ELAVL2: variants seen among roughly 807,000 people sequenced by gnomAD.
The protein encoded by ELAVL2 is ELAV like RNA binding protein 2.
A neutral mutation model predicts 34.6 loss-of-function variants in ELAVL2; 4 were observed. That is an observed-to-expected ratio of 0.12 (90% CI 0.06 to 0.26). The LOEUF (loss-of-function observed/expected upper bound fraction) is 0.26. Ranked by LOEUF, ELAVL2 falls within the 10% of genes least tolerant of loss-of-function variation. The probability of loss-of-function intolerance (pLI) is 1.00; values close to 1 mark genes in which losing one functional copy is unlikely to be tolerated. For missense variants in ELAVL2, 432 were observed against 442.8 expected (o/e 0.98, Z 0.22); for synonymous variants, 193 against 154.8 (o/e 1.25, Z -1.83).
At chr9:23,835,938 A>T in the ELAVL2 span, among the ~76,000 whole-genome samples, 1 of 152,136 alleles carries the variant, frequency 6.6e-6, no homozygotes, top group Non-Finnish European at 1.5e-5. Context: ...AAATTGACCC[A>T]CTCAAGGTCA....
chr9:23,789,073 T>C (rs191768571), intron 1 of ELAVL2, among the ~76,000 whole-genome samples: 4 of 152,278 alleles, frequency 2.6e-5, no homozygotes, highest in East Asian at 3.9e-4. Context: ...TGTAAGAATA[T>C]AGTCCCCCAA....
intron 1 of ELAVL2, among the ~76,000 whole-genome samples, chr9:23,803,215 C>T (rs1218772817): frequency 2.0e-5 from 3 of 152,218 alleles, no homozygotes; most frequent in African/African-American, 4.8e-5. Context: ...AAGAAAAAAA[C>T]GTGAATCATC....
At chr9:23,816,069 T>C (rs2063659610) in intron 1 of ELAVL2, among the ~76,000 whole-genome samples, 1 of 152,118 alleles carries the variant, frequency 6.6e-6, no homozygotes, top group Admixed American at 6.5e-5. Flanking sequence ...ACACGCTTTC[T>C]TCCAAAGTGC....
chr9:23,820,946 G>C (rs532862392), intron 1 of ELAVL2, among the ~76,000 whole-genome samples: 2 of 152,078 alleles, frequency 1.3e-5, no homozygotes, highest in Non-Finnish European at 1.5e-5. Context: ...TAACGCGCAC[G>C]AGGGGATCAT....
At chr9:23,830,379 T>C (rs2065460121), upstream of ELAVL2, 1 of 151,936 alleles carries the variant, frequency 6.6e-6, no homozygotes, top group African/African-American at 2.4e-5. Context: ...AAACATCCTT[T>C]ACTTTCTCTT....
intron 1 of ELAVL2, among the ~76,000 whole-genome samples, chr9:23,796,496 T>C (rs915147688): frequency 6.6e-6 from 1 of 152,238 alleles, no homozygotes. Context: ...AGCAAAATAC[T>C]GCCAAAAGGC....
intron 1 of ELAVL2, among the ~76,000 whole-genome samples, chr9:23,775,791 T>C (rs2058088360): frequency 6.6e-6 from 1 of 152,158 alleles, no homozygotes; most frequent in Admixed American, 6.5e-5. Context: ...TGTTTTCCAG[T>C]GTCACCCAAC....
intron 2 of ELAVL2, among the ~76,000 whole-genome samples, chr9:23,743,882 G>A (rs1315878724): frequency 2.0e-5 from 3 of 152,132 alleles, no homozygotes; most frequent in African/African-American, 2.4e-5. Flanking sequence ...TGGGGAAGGC[G>A]CTATGTTTTT....
At chr9:23,698,175 T>C (rs1587252775) in intron 5 of ELAVL2, among the ~76,000 whole-genome samples, 1 of 152,280 alleles carries the variant, frequency 6.6e-6, no homozygotes, top group Middle Eastern at 3.4e-3. Context: ...AAATTATAGC[T>C]GTTTCACAGA....
chr9:23,719,072 C>T (rs2043021312), intron 3 of ELAVL2, among the ~76,000 whole-genome samples: 1 of 152,166 alleles, frequency 6.6e-6, no homozygotes, highest in Admixed American at 6.5e-5. Context: ...TATGCAACAC[C>T]TGCAGAAATT....
intron 2 of ELAVL2, among the ~76,000 whole-genome samples, chr9:23,746,450 A>G (rs1056785756): frequency 2.6e-5 from 4 of 152,176 alleles, no homozygotes; most frequent in Non-Finnish European, 4.4e-5. Flanking sequence ...GAGCGTTTTC[A>G]GAATGAGTAA....
At chr9:23,750,269 G>A (rs1480050298) in intron 2 of ELAVL2, among the ~76,000 whole-genome samples, 1 of 152,010 alleles carries the variant, frequency 6.6e-6, no homozygotes, top group Non-Finnish European at 1.5e-5. Context: ...ATAATGGAAT[G>A]TTATCACGCC....
intron 3 of ELAVL2, among the ~76,000 whole-genome samples, chr9:23,706,494 ACT>A (rs2039365618): frequency 6.6e-6 from 1 of 152,012 alleles, no homozygotes; most frequent in Non-Finnish European, 1.5e-5. Context: ...GTAATTGATG[ACT>A]CTCTGCCTAT....
Position 23,692,516 on chromosome 9 carries a change from GTA to G in ELAVL2, c.*39_*40del. On this transcript the variant is annotated 3_prime_UTR_variant, in exon 7 of 7. Coordinates refer to ENST00000397312, the MANE Select transcript of ELAVL2 (RefSeq NM_004432.5). ...AAGTTTCTCTTAACTTGCCTTTGTT[GTA>G]TAGTTTTCATATATAAATGGACTGA... 1 of 1,564,108 alleles carries G rather than the reference GTA, an allele frequency of 6.4e-7. No individual in the cohort carries two copies. The highest frequency in any genetic ancestry group is 2.3e-5 in the East Asian group (1 of 44,252).
At chr9:23,722,092 T>C (rs1024806674) in intron 3 of ELAVL2, among the ~76,000 whole-genome samples, 43 of 152,270 alleles carry the variant, frequency 2.8e-4, no homozygotes, top group Middle Eastern at 3.4e-3. Context: ...GTAATTCTAA[T>C]GTAGTACATG....
At chr9:23,761,834 A>C (rs916945792) in intron 2 of ELAVL2, among the ~76,000 whole-genome samples, 172 bp downstream of exon 2, 2 of 152,068 alleles carry the variant, frequency 1.3e-5, no homozygotes, top group Non-Finnish European at 2.9e-5. Flanking sequence ...ATAGTTTATG[A>C]TTTAAAAAGA....
intron 3 of ELAVL2, among the ~76,000 whole-genome samples, chr9:23,723,291 A>C (rs1164082160): frequency 6.6e-6 from 1 of 152,108 alleles, no homozygotes; most frequent in Non-Finnish European, 1.5e-5. Flanking sequence ...TGAAATTGGA[A>C]ATCATCATTC....
intron 3 of ELAVL2, among the ~76,000 whole-genome samples, chr9:23,728,078 G>A (rs567849406): frequency 6.1e-4 from 93 of 152,028 alleles, no homozygotes; most frequent in Admixed American, 1.3e-3. Flanking sequence ...TGTTTGAGTC[G>A]CAGCTCTTTC....
chr9:23,735,681 T>C (rs1439985306), intron 2 of ELAVL2: 1 of 152,242 alleles, frequency 6.6e-6, no homozygotes, highest in Non-Finnish European at 1.5e-5. Context: ...ACGCTTCTTT[T>C]TAATCTAACA....
Sources: allele counts gnomAD v4.1 joint callset (sites outside exome capture counted in the v4.1 genomes callset), GRCh38; gene constraint gnomAD v4.1.1; transcripts MANE v1.5; gene names NCBI Gene and HGNC (gene_info 2026-07-23, HGNC 2026-07-21).